The following RPRD2 variants were observed in gnomAD, a reference collection of about 807,000 sequenced individuals.
RPRD2 encodes regulation of nuclear pre-mRNA domain-containing protein 2.
RPRD2 carries 12 observed loss-of-function variants against 104.4 expected under a neutral mutation model. The ratio of observed to expected loss-of-function variants is 0.11; its 90% CI spans 0.07 to 0.19. The LOEUF is 0.19. Ranked by LOEUF, RPRD2 falls within the 10% of genes least tolerant of loss-of-function variation. The pLI is 1.00. For missense variants in RPRD2, 1,543 were observed against 1,790.1 expected, an observed-to-expected ratio of 0.86 and a Z score of 2.49; for synonymous variants, 714 against 684.9, an observed-to-expected ratio of 1.04 and a Z score of -0.66.
At chr1:150,458,782 T>G (rs1570781163) in intron 8 of RPRD2, among the ~76,000 whole-genome samples, 1 of 151,964 alleles carries the variant, frequency 6.6e-6, no homozygotes, top group African/African-American at 2.4e-5. Flanking sequence ...TAGGATTGAT[T>G]GTAGGTGCAT....
chr1:150,372,506 G>GATACACACACAC (rs1553878635), intron 1 of RPRD2, among the ~76,000 whole-genome samples: 2 of 150,182 alleles, frequency 1.3e-5, no homozygotes, highest in African/African-American at 4.9e-5. Context: ...CACACACACA[G>GATACACACACAC]ACACACACAC....
chr1:150,457,158 AG>A (rs2102404347), intron 7 of RPRD2, 129 bp from the exon 8 acceptor site: 1 of 760,800 alleles, frequency 1.3e-6, no homozygotes, highest in Admixed American at 2.8e-5. Context: ...CAGGAGGCAG[AG>A]GTTGCAGTGA....
chr1:150,409,647 C>CTT (rs10684353), intron 1 of RPRD2, among the ~76,000 whole-genome samples: 32,460 of 114,452 alleles, frequency 0.28, 6,320 homozygotes, highest in Non-Finnish European at 0.4. Context: ...TGTTGCAATT[C>CTT]TTTTTTTTTT....
chr1:150,436,779 C>G (rs1553893211), intron 2 of RPRD2, among the ~76,000 whole-genome samples: 1 of 151,610 alleles, frequency 6.6e-6, no homozygotes, highest in East Asian at 2.0e-4. Context: ...GTGGCACACG[C>G]CTGTAATACC....
intron 10 of RPRD2, among the ~76,000 whole-genome samples, chr1:150,467,115 T>G (rs1220322888): frequency 1.3e-5 from 2 of 152,206 alleles, no homozygotes; most frequent in Non-Finnish European, 2.9e-5. Context: ...AACCCTGCTC[T>G]CTATCAAAGG....
chr1:150,376,557 G>A (rs1197064106), intron 1 of RPRD2, among the ~76,000 whole-genome samples: 1 of 151,052 alleles, frequency 6.6e-6, no homozygotes, highest in Non-Finnish European at 1.5e-5. Flanking sequence ...CTGGAGTGCA[G>A]TGGCGCCATC....
intron 1 of RPRD2, among the ~76,000 whole-genome samples, chr1:150,372,603 C>T (rs587601210): frequency 6.6e-6 from 1 of 151,978 alleles, no homozygotes; most frequent in South Asian, 2.1e-4. Context: ...GCGATAAATG[C>T]TCTAGAGAAA....
intron 2 of RPRD2, among the ~76,000 whole-genome samples, chr1:150,420,180 T>TAG (rs1418903400): frequency 2.0e-5 from 3 of 152,214 alleles, no homozygotes; most frequent in African/African-American, 7.2e-5. Flanking sequence ...ATCTATAACT[T>TAG]AGCCTAGTGT....
chr1:150,364,678 C>T lies in RPRD2; in HGVS notation c.-37C>T, dbSNP rs1371119938. 1.6e-6 allele frequency: 2 copies of T among 1,285,462 alleles called. No individual in the cohort carries two copies. The highest frequency in any genetic ancestry group is 2.7e-4 in the Middle Eastern group (1 of 3,770). The allele number at this position is 1,285,462 out of a possible 1,614,324, so 79.6% of individuals were successfully genotyped here. On this transcript the variant is annotated 5_prime_UTR_variant, in exon 1 of 11. Coordinates refer to ENST00000369068, the MANE Select transcript of RPRD2 (RefSeq NM_015203.5). ...CTCCCGCCGCCGCCGCCGCCGCCGCCGCCAGAGGAGCAGCAGCGCTTGTGC... is the reference window on the plus strand; with the variant it reads ...CTCCCGCCGCCGCCGCCGCCGCCGCTGCCAGAGGAGCAGCAGCGCTTGTGC...
chr1:150,384,593 TCCAAGTAGTTGGGATTACAGGCG>T (rs1282205117), intron 1 of RPRD2, among the ~76,000 whole-genome samples: 1 of 151,220 alleles, frequency 6.6e-6, no homozygotes, highest in Non-Finnish European at 1.5e-5. Flanking sequence ...TGCCTCGGCC[TCCAAGTAGTTGGGATTACAGGCG>T]CCTGCCACCA....
Position 150,390,383 on chromosome 1 carries a change from C to T in RPRD2, c.205+25464C>T, listed in dbSNP as rs78887784. ...GTGGTGGCACATGCCTGTAGTCTCC[C>T]TGCTGCTCGGGAGGCAGAGGCAGGA... is the stretch of plus-strand genomic sequence containing the variant. On this transcript the variant is annotated intron_variant, in intron 1 of 10. Coordinates refer to ENST00000369068, the MANE Select transcript of RPRD2 (RefSeq NM_015203.5). Among the ~76,000 whole-genome samples, 303 of 152,174 alleles carry T rather than the reference C, an allele frequency of 2.0e-3. 13 individuals carry two copies. In the East Asian group the frequency reaches 0.047, roughly 24 times the overall value.
At chr1:150,398,341 T>C (rs587648605) in intron 1 of RPRD2, among the ~76,000 whole-genome samples, 3,082 of 151,570 alleles carry the variant, frequency 0.02, 129 homozygotes, top group African/African-American at 0.07. Flanking sequence ...GGACTACAGG[T>C]GCCTGCCACC....
chr1:150,398,566 C>T (rs1485998391), intron 1 of RPRD2, among the ~76,000 whole-genome samples: 2 of 150,864 alleles, frequency 1.3e-5, no homozygotes, highest in Non-Finnish European at 2.9e-5. Flanking sequence ...TTTTTTCTGA[C>T]AGAGTCTCAC....
chr1:150,475,993 G>C lies in RPRD2; in HGVS notation c.*2659G>C, dbSNP rs750632193. 1 of 152,166 alleles carries C rather than the reference G, an allele frequency of 6.6e-6. No individual in the cohort carries two copies. The highest frequency in any genetic ancestry group is 1.5e-5 in the Non-Finnish European group (1 of 68,030). 9.4% of individuals were successfully genotyped at this position (152,166 alleles called of 1,614,324 possible). Reference sequence around the variant, plus strand: ...AAAATCACAGACAGAGAATTGGTAGGGGTTGTGAATACACTAGTACCACTT... The same window carrying C: ...AAAATCACAGACAGAGAATTGGTAGCGGTTGTGAATACACTAGTACCACTT... On this transcript the variant is annotated 3_prime_UTR_variant, in exon 11 of 11. Transcript: ENST00000369068.
At chr1:150,432,701 C>T (rs4926394) in intron 2 of RPRD2, among the ~76,000 whole-genome samples, 1 of 150,256 alleles carries the variant, frequency 6.7e-6, no homozygotes, top group Admixed American at 6.6e-5. Flanking sequence ...ATTGGAGCTG[C>T]GCATGGTGGC....
chr1:150,447,521 A>C (rs1375393753), intron 7 of RPRD2, among the ~76,000 whole-genome samples: 1 of 150,724 alleles, frequency 6.6e-6, no homozygotes, highest in Non-Finnish European at 1.5e-5. Flanking sequence ...TTTAGTAGAG[A>C]TGGGGTTTCT....
At chr1:150,384,109 T>G (rs759272638) in intron 1 of RPRD2, among the ~76,000 whole-genome samples, 90 of 152,152 alleles carry the variant, frequency 5.9e-4, no homozygotes, top group Non-Finnish European at 1.2e-3. Context: ...GGGTAGGATA[T>G]TCAGCATTTT....
At chr1:150,367,248 G>A (rs774117612) in intron 1 of RPRD2, among the ~76,000 whole-genome samples, 222 of 152,262 alleles carry the variant, frequency 1.5e-3, no homozygotes, top group Non-Finnish European at 2.7e-3. Context: ...TAAATAAAGC[G>A]TTTTGAGAGA....
intron 1 of RPRD2, among the ~76,000 whole-genome samples, chr1:150,394,615 G>A (rs1042242805): frequency 1.3e-5 from 2 of 151,406 alleles, no homozygotes; most frequent in East Asian, 2.0e-4. Context: ...GTTTTGAGAC[G>A]AAGTCTTGCT....
Sources: gnomAD v4.1 joint callset for allele counts (sites outside exome capture counted in the v4.1 genomes callset) on GRCh38, gnomAD v4.1.1 for gene constraint, MANE v1.5 for transcripts, NCBI Gene and HGNC (gene_info 2026-07-23, HGNC 2026-07-21) for gene names.